CEP112: variants seen among roughly 807,000 people sequenced by gnomAD.
CEP112 encodes the protein centrosomal protein of 112 kDa.
CEP112 carries 127 observed loss-of-function variants against 153.0 expected under a neutral mutation model. The observed-to-expected ratio is 0.83, with a 90% CI of 0.72 to 0.96. The LOEUF (loss-of-function observed/expected upper bound fraction) is 0.96. CEP112 is among the 40% of genes least tolerant of loss of function. The probability of loss-of-function intolerance (pLI) is 0.00; values close to 1 mark genes in which losing one functional copy is unlikely to be tolerated. For missense variants in CEP112, 1,089 were observed against 1,101.2 expected, an observed-to-expected ratio of 0.99 and a Z score of 0.16; for synonymous variants, 358 against 374.4, an observed-to-expected ratio of 0.96 and a Z score of 0.51.
intron 17 of CEP112, among the ~76,000 whole-genome samples, chr17:65,996,742 A>G (rs2063806043): frequency 6.6e-6 from 1 of 152,198 alleles, no homozygotes; most frequent in African/African-American, 2.4e-5. Context: ...ATATTTACTT[A>G]CCCTGAAATG....
At chr17:66,157,331 G>A (rs574044860) in intron 4 of CEP112, among the ~76,000 whole-genome samples, 164 of 152,278 alleles carry the variant, frequency 1.1e-3, no homozygotes, top group Non-Finnish European at 1.9e-3. Context: ...CAAATGTTGA[G>A]AGATTTTGTC....
chr17:66,110,325 T>C (rs2068971183), intron 6 of CEP112, among the ~76,000 whole-genome samples: 1 of 143,660 alleles, frequency 7.0e-6, no homozygotes, highest in Admixed American at 7.1e-5. Context: ...AATGAGACTC[T>C]AGCTCAAAAA....
At chr17:65,950,236 T>TTA (rs2061778019) in intron 18 of CEP112, among the ~76,000 whole-genome samples, 1 of 152,122 alleles carries the variant, frequency 6.6e-6, no homozygotes, top group African/African-American at 2.4e-5. Flanking sequence ...CTAGTGAAAA[T>TTA]AAAGATTTCT....
At position 66,096,289 on chromosome 17, in the gene CEP112, G is replaced by A. The variant is rs2068341373; in HGVS notation, c.730C>T (p.His244Tyr). 6.2e-6 allele frequency: 10 copies of A among 1,613,274 alleles called. No individual in the cohort carries two copies. The East Asian group carries it at 2.2e-4, about 36-fold the overall frequency. ...ATTCGAGAGAGAAAATGATCATCAT[G>A]GAAACTGCTGGATTTTCTCAGGCTG... ...KFSLRKSSSF[H>Y]DDHFLSRIRE... The change falls in exon 8 of 27, where the codon CAT becomes TAT. Residue 244 changes from histidine (H) to tyrosine (Y), a missense_variant. His to Tyr is a moderately conservative substitution (Grantham distance 83). Transcript: ENST00000535342.
In CEP112 at chr17:66,023,207, G is replaced by A. The variant is rs569197602; in HGVS notation, c.1656+4294C>T. On this transcript the variant is annotated intron_variant, in intron 16 of 26. Transcript: ENST00000535342. ...AGATTTAAACATCCACATACAAGAAGTGCAACAAACACTAGAAAAAGATAT... is the reference window on the plus strand; with the variant it reads ...AGATTTAAACATCCACATACAAGAAATGCAACAAACACTAGAAAAAGATAT... Among the ~76,000 whole-genome samples, 8 of 152,158 alleles carry A rather than the reference G, an allele frequency of 5.3e-5. No individual in the cohort carries two copies. In the South Asian group the frequency reaches 1.5e-3, roughly 28 times the overall value.
At chr17:65,962,759 A>C (rs1429410023) in intron 17 of CEP112, among the ~76,000 whole-genome samples, 1 of 152,010 alleles carries the variant, frequency 6.6e-6, no homozygotes, top group African/African-American at 2.4e-5. Context: ...TGGTTTTAAC[A>C]AGAGGAGTTC....
chr17:66,163,969 G>A (rs1247784474), intron 4 of CEP112, among the ~76,000 whole-genome samples: 1 of 152,158 alleles, frequency 6.6e-6, no homozygotes, highest in African/African-American at 2.4e-5. Flanking sequence ...CTGACTTACT[G>A]GGGGAGAAAA....
At chr17:66,132,580 C>A in intron 5 of CEP112, 90 bp downstream of exon 5, 1 of 875,930 alleles carries the variant, frequency 1.1e-6, no homozygotes, top group South Asian at 1.5e-5. Context: ...TTGAAGCAAT[C>A]ATTGGTACTT....
At chr17:65,657,286 T>C (rs1236709974) in intron 24 of CEP112, among the ~76,000 whole-genome samples, 1 of 152,258 alleles carries the variant, frequency 6.6e-6, no homozygotes, top group Non-Finnish European at 1.5e-5. Flanking sequence ...TTCTTGTTAA[T>C]AATAACATTC....
chr17:65,772,912 T>A (rs986378643), intron 21 of CEP112, among the ~76,000 whole-genome samples: 12 of 152,018 alleles, frequency 7.9e-5, no homozygotes, highest in Non-Finnish European at 1.5e-4. Flanking sequence ...ATGATGATGA[T>A]GACAATGACA....
chr17:65,706,759 A>C (rs547468340), intron 23 of CEP112, among the ~76,000 whole-genome samples: 1 of 152,266 alleles, frequency 6.6e-6, no homozygotes, highest in Middle Eastern at 3.4e-3. Context: ...GGCCTTCCAA[A>C]TATTTCTCCT....
intron 17 of CEP112, among the ~76,000 whole-genome samples, chr17:65,991,742 A>T (rs2063603242): frequency 6.6e-6 from 1 of 152,100 alleles, no homozygotes; most frequent in Non-Finnish European, 1.5e-5. Flanking sequence ...TGTCTCCTTA[A>T]TTCAATTTTT....
At chr17:65,834,528 G>T (rs1332961030) in intron 21 of CEP112, among the ~76,000 whole-genome samples, 2 of 152,054 alleles carry the variant, frequency 1.3e-5, no homozygotes, top group African/African-American at 4.8e-5. Flanking sequence ...CCATTAAAAA[G>T]TTGGAAAGGA....
intron 4 of CEP112, among the ~76,000 whole-genome samples, chr17:66,140,293 T>C (rs181472633): frequency 2.0e-5 from 3 of 152,244 alleles, no homozygotes; most frequent in African/African-American, 7.2e-5. Flanking sequence ...AAAATGCATA[T>C]ATGACAAAGC....
chr17:65,990,448 G>A (rs2063554496), intron 17 of CEP112, among the ~76,000 whole-genome samples: 1 of 152,238 alleles, frequency 6.6e-6, no homozygotes, highest in Admixed American at 6.5e-5. Context: ...CCACCAGCCA[G>A]ATAGCATCTG....
chr17:66,094,109 G>A (rs535793822), intron 8 of CEP112, among the ~76,000 whole-genome samples: 1 of 151,976 alleles, frequency 6.6e-6, no homozygotes, highest in East Asian at 1.9e-4. Context: ...ACCCAGGCAG[G>A]AGTTCGGTGA....
At chr17:65,670,137 C>T (rs1346852142) in intron 24 of CEP112, among the ~76,000 whole-genome samples, 1 of 151,292 alleles carries the variant, frequency 6.6e-6, no homozygotes, top group Admixed American at 6.6e-5. Flanking sequence ...TTCAGTGGGG[C>T]ATATGTTCTT....
chr17:65,970,459 TGCACACATGCATGTATATTACATGC>T (rs1419804701), intron 17 of CEP112, among the ~76,000 whole-genome samples: 1 of 45,954 alleles, frequency 2.2e-5, no homozygotes, highest in Non-Finnish European at 4.6e-5. Flanking sequence ...ATTACATGCA[TGCACACATGCATGTATATTACATGC>T]ATGCACACTA....
intron 21 of CEP112, among the ~76,000 whole-genome samples, chr17:65,828,734 T>C (rs557140178): frequency 3.7e-4 from 56 of 152,272 alleles, no homozygotes; most frequent in African/African-American, 1.3e-3. Context: ...ATAATAGTGC[T>C]CCTAATATCA....
Sources: gnomAD v4.1 joint callset for allele counts (sites outside exome capture counted in the v4.1 genomes callset) on GRCh38, gnomAD v4.1.1 for gene constraint, MANE v1.5 for transcripts, NCBI Gene and HGNC (gene_info 2026-07-23, HGNC 2026-07-21) for gene names.